ZIM2: variants seen among roughly 807,000 people sequenced by gnomAD.
ZIM2 encodes zinc finger imprinted 2.
ZIM2 carries 14 observed loss-of-function variants against 38.6 expected under a neutral mutation model. The observed-to-expected ratio is 0.36, with a 90% confidence interval of 0.24 to 0.57. The LOEUF (loss-of-function observed/expected upper bound fraction) is 0.57, where lower values mean the gene tolerates loss of function less well. ZIM2 is among the 20% of genes least tolerant of loss of function. The pLI is 0.81. For missense variants in ZIM2, 680 were observed against 695.1 expected (o/e 0.98, Z 0.24); for synonymous variants, 247 against 245.8 (o/e 1.00, Z -0.04).
At chr19:56,795,438 T>C (rs2047155265) in intron 9 of ZIM2, among the ~76,000 whole-genome samples, 1 of 152,210 alleles carries the variant, frequency 6.6e-6, no homozygotes, top group Admixed American at 6.5e-5. Context: ...CGCCGGCCGC[T>C]ATCCTACCCC....
chr19:56,831,213 G>A (rs1280839736), intron 2 of ZIM2, among the ~76,000 whole-genome samples: 1 of 152,148 alleles, frequency 6.6e-6, no homozygotes, highest in Non-Finnish European at 1.5e-5. Flanking sequence ...AAGGATATAA[G>A]CACTAGGACA....
chr19:56,778,026 G>GC (rs527733082), intron 12 of ZIM2, among the ~76,000 whole-genome samples: 3 of 152,034 alleles, frequency 2.0e-5, no homozygotes, highest in African/African-American at 7.3e-5. Flanking sequence ...ACATTGGTCA[G>GC]CCCCCCATCT....
intron 10 of ZIM2, among the ~76,000 whole-genome samples, chr19:56,786,081 A>G (rs542348165): frequency 6.6e-6 from 1 of 152,174 alleles, no homozygotes; most frequent in African/African-American, 2.4e-5. Flanking sequence ...GCAACCACTA[A>G]CATACTTTAT....
chr19:56,804,736 A>G (rs983359876), intron 9 of ZIM2, among the ~76,000 whole-genome samples: 1 of 152,206 alleles, frequency 6.6e-6, no homozygotes, highest in African/African-American at 2.4e-5. Flanking sequence ...GAAATTTCCA[A>G]TCAGTTATGT....
At chr19:56,796,208 T>C (rs1228571996) in intron 9 of ZIM2, among the ~76,000 whole-genome samples, 3 of 152,184 alleles carry the variant, frequency 2.0e-5, no homozygotes, top group Non-Finnish European at 2.9e-5. Context: ...TGAAGCCTCA[T>C]GTAAAATGGC....
intron 9 of ZIM2, chr19:56,811,560 A>C (rs1600851044): frequency 1.0e-6 from 1 of 985,320 alleles, no homozygotes; most frequent in Non-Finnish European, 1.2e-6. Context: ...TGGAACGGAC[A>C]CCCTGACTTA....
At chr19:56,830,608 A>G (rs1293570601) in intron 2 of ZIM2, among the ~76,000 whole-genome samples, 2 of 152,252 alleles carry the variant, frequency 1.3e-5, no homozygotes, top group Admixed American at 1.3e-4. Flanking sequence ...GAAGAAAAAG[A>G]AAAGTATAAA....
chr19:56,808,462 A>C (rs2047870591), intron 9 of ZIM2, among the ~76,000 whole-genome samples: 1 of 152,188 alleles, frequency 6.6e-6, no homozygotes, highest in Non-Finnish European at 1.5e-5. Context: ...GTCTAAGTCC[A>C]GAATGAATCT....
intron 9 of ZIM2, chr19:56,811,040 C>T (rs2059504099): frequency 2.0e-6 from 2 of 981,394 alleles, no homozygotes; most frequent in South Asian, 9.5e-5. Flanking sequence ...AACCTGTGCA[C>T]AGAAACAAGA....
intron 2 of ZIM2, among the ~76,000 whole-genome samples, chr19:56,829,024 G>A (rs1004987571): frequency 1.3e-5 from 2 of 152,114 alleles, no homozygotes; most frequent in Non-Finnish European, 2.9e-5. Flanking sequence ...ATATAGCCAA[G>A]TAGATAAAAT....
rs2060122272 is a variant in ZIM2 at position 56,817,841 on chromosome 19, G to T, written c.398-3C>A. 1 of 1,612,048 alleles carries T rather than the reference G, an allele frequency of 6.2e-7. No homozygotes were observed. Among genetic ancestry groups the T allele is most frequent in the Admixed American group, 1.7e-5 (1 of 59,908 alleles). On this transcript the variant is annotated splice_region_variant and splice_polypyrimidine_tract_variant and intron_variant, in intron 8 of 12. Coordinates refer to ENST00000629319, the MANE Select transcript of ZIM2 (RefSeq NM_001387356.1). ...ATCGTCTTCAGCAAGCTGCACTCCT[G>T]GTCACAAGGACAATATGATGCCTCA...
chr19:56,817,930 A>T, intron 8 of ZIM2, 92 bp from the exon 9 acceptor site: 1 of 948,660 alleles, frequency 1.1e-6, no homozygotes, highest in Non-Finnish European at 1.6e-6. Flanking sequence ...TGAGCCACTA[A>T]ATATGAGGTG....
chr19:56,832,746 G>A (rs1222616205), intron 2 of ZIM2, among the ~76,000 whole-genome samples: 1 of 152,106 alleles, frequency 6.6e-6, no homozygotes, highest in Non-Finnish European at 1.5e-5. Flanking sequence ...GGTGCTTCTG[G>A]GAGTCTGGCG....
rs1312091302 is a variant in ZIM2, at chr19:56,806,057, TATAAAA to T, written c.490+11683_490+11688del. On this transcript the variant is annotated intron_variant, in intron 9 of 12. Transcript: ENST00000629319. The stretch of plus-strand genomic sequence containing the variant: ...ATGTGTGAAATCTATGCCCAGTGGT[TATAAAA>T]ATAATGTATTAGGTATATATATAAT... Among the ~76,000 whole-genome samples the T allele has an allele frequency of 2.6e-5, 4 of 152,334 alleles. No individual in the cohort carries two copies. The East Asian group carries it at 7.7e-4, about 29-fold the overall frequency.
rs142779879 is a variant in ZIM2 at position 56,812,495 on chromosome 19, G to T, written c.490+5251C>A. The T allele has an allele frequency of 3.0e-5, 30 of 985,380 alleles. 1 individual carries two copies. The Admixed American group carries it at 1.7e-3, about 57-fold the overall frequency. 61.0% of individuals were successfully genotyped at this position (985,380 alleles called of 1,614,324 possible). On this transcript the variant is annotated intron_variant, in intron 9 of 12. Coordinates refer to ENST00000629319, the MANE Select transcript of ZIM2 (RefSeq NM_001387356.1). ...AACGAAGAGAATTAAGTTAGCGATA[G>T]AAAGATCTAAGGATACTAGCTCCTG...
chr19:56,782,333 A>G (rs528827333), intron 10 of ZIM2: 57 of 612,276 alleles, frequency 9.3e-5, no homozygotes, highest in Non-Finnish European at 1.4e-4. Flanking sequence ...AGGGGGAAAT[A>G]TCCTTTTAAG....
chr19:56,782,425 G>A, intron 10 of ZIM2: 1 of 469,160 alleles, frequency 2.1e-6, no homozygotes, highest in Non-Finnish European at 4.2e-6. Flanking sequence ...CAGAGTCCTG[G>A]CTCTGGTTCT....
At chr19:56,792,901 T>C (rs1457874073) in intron 9 of ZIM2, 1 of 152,596 alleles carries the variant, frequency 6.6e-6, no homozygotes, top group African/African-American at 2.4e-5. Flanking sequence ...CATTCTTTCA[T>C]TCATTCACTC....
rs754081320 is a variant in ZIM2, at chr19:56,823,667, CTGT to C, written c.26_28del (p.Asn9del). 8 of 1,614,050 alleles carry C rather than the reference CTGT, an allele frequency of 5.0e-6. No homozygotes were observed. The highest frequency in any genetic ancestry group is 4.0e-5 in the African/African-American group (3 of 74,906). The stretch of plus-strand genomic sequence containing the variant: ...CATGTCGTCGTCGCTGGTCACGTCA[CTGT>C]TGTTGTCGTCTAAGAGGACACCGGT... On this transcript the variant is annotated inframe_deletion, in exon 5 of 13. Transcript: ENST00000629319.
Sources: allele counts gnomAD v4.1 joint callset (sites outside exome capture counted in the v4.1 genomes callset), GRCh38; gene constraint gnomAD v4.1.1; transcripts MANE v1.5; gene names NCBI Gene and HGNC (gene_info 2026-07-23, HGNC 2026-07-21).